The following FOXP1 variants were observed in gnomAD, a reference collection of about 807,000 sequenced individuals.
FOXP1 encodes forkhead box P1.
FOXP1 carries 15 observed loss-of-function variants against 98.2 expected under a neutral mutation model. The ratio of observed to expected loss-of-function variants is 0.15; its 90% CI spans 0.10 to 0.24. FOXP1 has a LOEUF of 0.24. FOXP1 is among the 10% of genes least tolerant of loss of function. The pLI, the probability that FOXP1 is intolerant of heterozygous loss-of-function variation, is 1.00. For missense variants in FOXP1, 633 were observed against 848.5 expected (o/e 0.75, Z 3.15); for synonymous variants, 371 against 314.5 (o/e 1.18, Z -1.90).
intron 2 of FOXP1, among the ~76,000 whole-genome samples, chr3:71,533,196 G>C (rs767461890): frequency 1.8e-4 from 27 of 152,160 alleles, no homozygotes; most frequent in Non-Finnish European, 3.4e-4. Context: ...CATTATCATG[G>C]TATGTACAGT....
chr3:71,511,801 T>C (rs1435612481), intron 2 of FOXP1, among the ~76,000 whole-genome samples: 5 of 152,224 alleles, frequency 3.3e-5, no homozygotes, highest in African/African-American at 1.2e-4. Context: ...AAGAGAAACT[T>C]GAATGGATAA....
At chr3:71,045,998 C>T (rs781091657) in intron 10 of FOXP1, among the ~76,000 whole-genome samples, 14 of 152,106 alleles carry the variant, frequency 9.2e-5, no homozygotes, top group Non-Finnish European at 1.8e-4. Flanking sequence ...CTCAAATCTG[C>T]CCTACCATGC....
At chr3:71,300,021 C>T (rs1333556066) in intron 4 of FOXP1, 141 bp from the exon 5 acceptor site, 1 of 152,266 alleles carries the variant, frequency 6.6e-6, no homozygotes, top group African/African-American at 2.4e-5. Context: ...AAAAACAAGT[C>T]CCAAGAATCT....
intron 20 of FOXP1, 27 bp from the exon 21 acceptor site, chr3:70,959,418 G>T: frequency 6.2e-7 from 1 of 1,613,878 alleles, no homozygotes; most frequent in African/African-American, 1.3e-5. Flanking sequence ...GAGGTTCAGT[G>T]AGGGTACTTC....
chr3:71,015,551 T>G lies in FOXP1; in HGVS notation c.972A>C (p.Leu324=). Residue 324 remains leucine, a splice_region_variant and synonymous_variant, in exon 12 of 21, where the codon CTA becomes CTC. Transcript: ENST00000649528. Reference sequence around the variant, plus strand: ...AAACAAAATAAAATCATTCTTACTTTAGAAATGATTGGAAATCTTCGCACA... The same window carrying G: ...AAACAAAATAAAATCATTCTTACTTGAGAAATGATTGGAAATCTTCGCACA... ...EAVCEDFQSF[L]KHLNSEHALD... 1 of 1,600,162 alleles carries G rather than the reference T, an allele frequency of 6.2e-7. No homozygotes were observed. The highest frequency in any genetic ancestry group is 8.6e-7 in the Non-Finnish European group (1 of 1,167,624).
intron 6 of FOXP1, among the ~76,000 whole-genome samples, chr3:71,177,125 A>G (rs2061990054): frequency 6.6e-6 from 1 of 152,228 alleles, no homozygotes; most frequent in African/African-American, 2.4e-5. Context: ...AAAGTGTTTT[A>G]GAAACAGATG....
At chr3:71,021,587 T>A (rs956719331) in intron 11 of FOXP1, among the ~76,000 whole-genome samples, 3 of 152,218 alleles carry the variant, frequency 2.0e-5, no homozygotes, top group Non-Finnish European at 2.9e-5. Flanking sequence ...ATGGTAACTC[T>A]ACGGTTGACA....
In FOXP1 at chr3:71,232,877, C is replaced by CAAAAAAAAAAAAAAAAAAAAA. The variant is rs59404230; in HGVS notation, c.-11-34486_-11-34485insTTTTTTTTTTTTTTTTTTTTT. On this transcript the variant is annotated intron_variant, in intron 5 of 20. Transcript: ENST00000649528. ...CGTGCCACAGAGCAAAACTCTGTCT[C>CAAAAAAAAAAAAAAAAAAAAA]AAAAAAAAAAAAAAAAAAAGCAAGA... 2.0e-3 allele frequency among the ~76,000 whole-genome samples: 63 copies of CAAAAAAAAAAAAAAAAAAAAA among 31,362 alleles called. 4 individuals carry two copies. Among genetic ancestry groups the CAAAAAAAAAAAAAAAAAAAAA allele is most frequent in the Non-Finnish European group, 2.7e-3 (45 of 16,930 alleles). 20.6% of individuals were successfully genotyped at this position (31,362 alleles called of 152,430 possible). A position where few individuals can be genotyped will look rare whatever the true frequency, so the allele number is the denominator to read the frequency against.
At chr3:71,482,994 T>C (rs957475039) in intron 3 of FOXP1, among the ~76,000 whole-genome samples, 4 of 151,780 alleles carry the variant, frequency 2.6e-5, no homozygotes, top group East Asian at 1.9e-4. Context: ...AGCTACCACA[T>C]CCGGCTAATT....
chr3:71,013,784 A>G (rs1287983579), intron 12 of FOXP1, among the ~76,000 whole-genome samples: 1 of 152,250 alleles, frequency 6.6e-6, no homozygotes, highest in East Asian at 1.9e-4. Context: ...ACAGCATGGT[A>G]CTGGTACTAC....
chr3:71,134,646 T>C (rs1465866608), intron 6 of FOXP1, among the ~76,000 whole-genome samples: 1 of 152,208 alleles, frequency 6.6e-6, no homozygotes, highest in Non-Finnish European at 1.5e-5. Context: ...ATACACCTTG[T>C]AAATGAGAAC....
chr3:71,582,033 TTTA>T, intron 1 of FOXP1: 1 of 977,082 alleles, frequency 1.0e-6, no homozygotes, highest in Non-Finnish European at 1.2e-6. Flanking sequence ...GTTACAACTG[TTTA>T]TTTAGTCCTT....
intron 3 of FOXP1, among the ~76,000 whole-genome samples, chr3:71,408,539 G>A (rs573759541): frequency 5.3e-5 from 8 of 152,248 alleles, no homozygotes; most frequent in South Asian, 2.1e-4. Flanking sequence ...CCAATGGGCC[G>A]ATACCAACAA....
chr3:71,243,089 GC>G (rs2067424777), intron 5 of FOXP1, among the ~76,000 whole-genome samples: 1 of 152,040 alleles, frequency 6.6e-6, no homozygotes, highest in Non-Finnish European at 1.5e-5. Flanking sequence ...CTAATTAAAG[GC>G]TACTAATTCC....
chr3:71,494,724 C>T (rs756233804), intron 2 of FOXP1, among the ~76,000 whole-genome samples: 1 of 152,162 alleles, frequency 6.6e-6, no homozygotes, highest in South Asian at 2.1e-4. Context: ...CTCTGATTCA[C>T]TAGATCTGGA....
intron 2 of FOXP1, among the ~76,000 whole-genome samples, chr3:71,536,807 C>G (rs543790371): frequency 9.2e-5 from 14 of 152,254 alleles, no homozygotes; most frequent in South Asian, 6.2e-4. Context: ...ACATGATGAT[C>G]GTTTGGTGTG....
intron 11 of FOXP1, among the ~76,000 whole-genome samples, chr3:71,018,872 G>C (rs1176560511): frequency 6.6e-6 from 1 of 152,076 alleles, no homozygotes; most frequent in Non-Finnish European, 1.5e-5. Flanking sequence ...TAATTTTTTT[G>C]CACACATATG....
chr3:71,194,201 C>T (rs987647757), intron 6 of FOXP1, among the ~76,000 whole-genome samples: 1 of 150,612 alleles, frequency 6.6e-6, no homozygotes, highest in Non-Finnish European at 1.5e-5. Context: ...CACCTCAGAA[C>T]TGCAGCAACC....
At chr3:71,523,308 T>C (rs2107471369) in intron 2 of FOXP1, among the ~76,000 whole-genome samples, 1 of 152,294 alleles carries the variant, frequency 6.6e-6, no homozygotes, top group East Asian at 1.9e-4. Flanking sequence ...AAGCAAAAGA[T>C]GACAAATTTC....
Sources: allele counts gnomAD v4.1 joint callset (sites outside exome capture counted in the v4.1 genomes callset), GRCh38; gene constraint gnomAD v4.1.1; transcripts MANE v1.5; gene names NCBI Gene and HGNC (gene_info 2026-07-23, HGNC 2026-07-21).